The following MNAT1 variants were observed in gnomAD, a reference collection of about 807,000 sequenced individuals.
The protein encoded by MNAT1 is CDK-activating kinase assembly factor MAT1.
Under a neutral mutation model 42.0 loss-of-function variants are expected in MNAT1, and 43 were observed. That is an observed-to-expected ratio of 1.02 (90% CI 0.80 to 1.32). The LOEUF is 1.32. Among genes scored for constraint, MNAT1 ranks in the 40% most tolerant of loss-of-function variants. The probability of loss-of-function intolerance (pLI) is 0.00; values close to 1 mark genes in which losing one functional copy is unlikely to be tolerated. For missense variants in MNAT1, 306 were observed against 350.4 expected (o/e 0.87, Z 1.01); for synonymous variants, 118 against 120.0 (o/e 0.98, Z 0.11).
At chr14:60,867,473 A>G (rs1406354491) in intron 6 of MNAT1, among the ~76,000 whole-genome samples, 1 of 152,120 alleles carries the variant, frequency 6.6e-6, no homozygotes, top group Admixed American at 6.6e-5. Flanking sequence ...TATTCTGCTT[A>G]TTCCCAAACA....
chr14:60,931,648 C>T (rs893984405), intron 7 of MNAT1, among the ~76,000 whole-genome samples: 1 of 152,024 alleles, frequency 6.6e-6, no homozygotes, highest in Admixed American at 6.6e-5. Flanking sequence ...AGATACATAT[C>T]GTAGACCTGA....
intron 7 of MNAT1, among the ~76,000 whole-genome samples, chr14:60,940,449 G>A (rs549163727): frequency 6.6e-5 from 10 of 152,088 alleles, no homozygotes; most frequent in South Asian, 2.1e-4. Context: ...ACGGATTTTC[G>A]CTCTGTTGCC....
chr14:60,946,922 TGCTG>T lies in MNAT1; in HGVS notation c.810-21304_810-21301del, dbSNP rs538745444. 5.1e-4 allele frequency among the ~76,000 whole-genome samples: 77 copies of T among 152,342 alleles called. 1 individual carries two copies. The highest frequency in any genetic ancestry group is 1.2e-3 in the South Asian group (6 of 4,830). Reference sequence around the variant, plus strand: ...GCTGGGAAGTCCTGGCTGATTTGATTGCTGGCGAGGGCTCTCTTCCTGGCCTTCT... The same window carrying T: ...GCTGGGAAGTCCTGGCTGATTTGATTGCGAGGGCTCTCTTCCTGGCCTTCT... On this transcript the variant is annotated intron_variant, in intron 7 of 7. Coordinates refer to ENST00000261245, the MANE Select transcript of MNAT1 (RefSeq NM_002431.4).
intron 1 of MNAT1, among the ~76,000 whole-genome samples, chr14:60,775,757 G>T (rs897669018): frequency 6.6e-6 from 1 of 152,130 alleles, no homozygotes; most frequent in African/African-American, 2.4e-5. Flanking sequence ...GTTTAGAAAT[G>T]AGATTATTTT....
intron 6 of MNAT1, among the ~76,000 whole-genome samples, chr14:60,864,364 C>T (rs147821406): frequency 1.9e-3 from 288 of 152,042 alleles, no homozygotes; most frequent in African/African-American, 6.8e-3. Context: ...TATATCTTCA[C>T]AGTGCCTAAC....
intron 7 of MNAT1, among the ~76,000 whole-genome samples, chr14:60,929,166 A>T (rs1294929263): frequency 0.1 from 10,365 of 101,856 alleles, 315 homozygotes; most frequent in African/African-American, 0.12. Flanking sequence ...AAAAAAAAAA[A>T]AAAAATATAT....
At chr14:60,953,020 G>A (rs1334308695) in intron 7 of MNAT1, among the ~76,000 whole-genome samples, 1 of 152,084 alleles carries the variant, frequency 6.6e-6, no homozygotes. Context: ...TAGAGAGGTG[G>A]AGGAAAATGT....
chr14:60,890,421 T>A (rs2034810861), intron 7 of MNAT1, among the ~76,000 whole-genome samples: 1 of 152,186 alleles, frequency 6.6e-6, no homozygotes, highest in African/African-American at 2.4e-5. Flanking sequence ...TAGTCAGGGT[T>A]CTCTAGAGGG....
At chr14:60,795,471 T>TGAGAA (rs1197685515) in intron 1 of MNAT1, among the ~76,000 whole-genome samples, 1 of 152,216 alleles carries the variant, frequency 6.6e-6, no homozygotes, top group Non-Finnish European at 1.5e-5. Flanking sequence ...TCTAGGAAGT[T>TGAGAA]GTAAGCCCTT....
In MNAT1 at chr14:60,868,535, T is replaced by A. The variant is rs115701405; in HGVS notation, c.688-11179T>A. Among the ~76,000 whole-genome samples, 1,076 of 152,280 alleles carry A rather than the reference T, an allele frequency of 7.1e-3. 15 individuals carry two copies. The highest frequency in any genetic ancestry group is 0.025 in the African/African-American group (1,020 of 41,552). On this transcript the variant is annotated intron_variant, in intron 6 of 7. Transcript: ENST00000261245. ...ACACTACCATCTTTTTTGTTGTTGT[T>A]GTAATTAAATGACCCTAAGAAATAA...
chr14:60,958,505 T>C (rs1367862801), intron 7 of MNAT1, among the ~76,000 whole-genome samples: 1 of 152,150 alleles, frequency 6.6e-6, no homozygotes, highest in Admixed American at 6.5e-5. Flanking sequence ...TTCTCTGGGT[T>C]GAATCTGATT....
chr14:60,863,994 C>T (rs985986011), intron 6 of MNAT1, among the ~76,000 whole-genome samples: 5 of 152,004 alleles, frequency 3.3e-5, no homozygotes, highest in East Asian at 1.9e-4. Flanking sequence ...CATTAACAGA[C>T]AAGCCATCAA....
chr14:60,772,386 A>T (rs891497193), intron 1 of MNAT1, among the ~76,000 whole-genome samples: 6 of 152,238 alleles, frequency 3.9e-5, no homozygotes, highest in Admixed American at 3.9e-4. Context: ...GGAGTTTGAG[A>T]CCAGCCTGAC....
intron 7 of MNAT1, among the ~76,000 whole-genome samples, chr14:60,967,530 T>G (rs2036703843): frequency 1.3e-5 from 2 of 152,198 alleles, no homozygotes; most frequent in Non-Finnish European, 2.9e-5. Context: ...TGTCTATTTT[T>G]GTCAAGATAT....
chr14:60,802,623 G>T (rs1449878756), intron 3 of MNAT1, among the ~76,000 whole-genome samples: 1 of 152,160 alleles, frequency 6.6e-6, no homozygotes, highest in Non-Finnish European at 1.5e-5. Context: ...TAGTCACAGT[G>T]GGGATAGATA....
chr14:60,896,893 T>C (rs917761927), intron 7 of MNAT1, among the ~76,000 whole-genome samples: 1 of 152,222 alleles, frequency 6.6e-6, no homozygotes, highest in Non-Finnish European at 1.5e-5. Context: ...AAGTGTTGAA[T>C]AGATAACTTT....
intron 1 of MNAT1, among the ~76,000 whole-genome samples, chr14:60,789,183 G>A (rs1439656240): frequency 6.6e-6 from 1 of 152,128 alleles, no homozygotes; most frequent in African/African-American, 2.4e-5. Context: ...CAAGGAATGG[G>A]AGGTCTGAGA....
At chr14:60,859,962 A>C (rs987445633) in intron 6 of MNAT1, among the ~76,000 whole-genome samples, 1 of 152,192 alleles carries the variant, frequency 6.6e-6, no homozygotes, top group Admixed American at 6.6e-5. Flanking sequence ...AGAAATTTTA[A>C]ATTTTTGCCC....
At chr14:60,889,348 G>A (rs968431569) in intron 7 of MNAT1, among the ~76,000 whole-genome samples, 8 of 152,066 alleles carry the variant, frequency 5.3e-5, no homozygotes, top group Non-Finnish European at 1.0e-4. Context: ...CAAGCAATGG[G>A]GAAAGGATTC....
Sources: gnomAD v4.1 joint callset for allele counts (sites outside exome capture counted in the v4.1 genomes callset) on GRCh38, gnomAD v4.1.1 for gene constraint, MANE v1.5 for transcripts, NCBI Gene and HGNC (gene_info 2026-07-23, HGNC 2026-07-21) for gene names.